Variants in KIFC3 observed in about 807,000 individuals in gnomAD.
KIFC3 encodes kinesin family member C3, also known as kinesin-like protein KIFC3.
Under a neutral mutation model 101.8 loss-of-function variants are expected in KIFC3, and 60 were observed. The ratio of observed to expected loss-of-function variants is 0.59; its 90% confidence interval spans 0.48 to 0.73. The LOEUF is 0.73. Ranked by LOEUF, KIFC3 falls within the 30% of genes least tolerant of loss-of-function variation. The pLI is 0.00. For synonymous variants in KIFC3, 476 were observed against 482.7 expected (o/e 0.99, Z 0.18); for missense variants, 966 against 1,137.1 (o/e 0.85, Z 2.16).
intron 3 of KIFC3, among the ~76,000 whole-genome samples, chr16:57,785,150 G>A (rs1029741987): frequency 6.6e-6 from 1 of 152,176 alleles, no homozygotes; most frequent in Non-Finnish European, 1.5e-5. Context: ...GCACCTTCCT[G>A]CTCCACTCAC....
Position 57,760,861 on chromosome 16 carries a change from CTTG to C in KIFC3, c.2094_2096del (p.Asn698del), listed in dbSNP as rs782211313. ...TGACGTCCCCCAGAGCCGACAGCGA[CTTG>C]TTGATGTGCTGCGCCTCCCGCAGGC... On this transcript the variant is annotated inframe_deletion, in exon 16 of 20. Transcript: ENST00000445690. The C allele has an allele frequency of 2.5e-6, 4 of 1,612,908 alleles. No individual in the cohort carries two copies. Among genetic ancestry groups the C allele is most frequent in the Non-Finnish European group, 3.4e-6 (4 of 1,179,960 alleles).
chr16:57,775,307 T>G, intron 3 of KIFC3: 1 of 1,210,706 alleles, frequency 8.3e-7, no homozygotes, highest in Non-Finnish European at 1.0e-6. Context: ...TCTGGCTTCT[T>G]GAGGGCAGCA....
intron 10 of KIFC3, among the ~76,000 whole-genome samples, chr16:57,766,096 T>A (rs2050449991): frequency 6.6e-6 from 1 of 152,194 alleles, no homozygotes; most frequent in African/African-American, 2.4e-5. Flanking sequence ...ACTGGTGGTG[T>A]ATCTGAGGGC....
chr16:57,788,303 C>T (rs1429251404), intron 3 of KIFC3, among the ~76,000 whole-genome samples: 1 of 152,212 alleles, frequency 6.6e-6, no homozygotes, highest in Admixed American at 6.5e-5. Context: ...AAATTCAACC[C>T]CAGCCCACGC....
intron 9 of KIFC3, among the ~76,000 whole-genome samples, chr16:57,768,533 A>ACACACACG (rs782552995): frequency 6.6e-6 from 1 of 151,582 alleles, no homozygotes. Flanking sequence ...ACACACACAC[A>ACACACACG]CACGCACAAT....
At chr16:57,848,360 G>A (rs1387452892) in intron 1 of KIFC3, among the ~76,000 whole-genome samples, 4 of 152,200 alleles carry the variant, frequency 2.6e-5, no homozygotes, top group East Asian at 3.9e-4. Flanking sequence ...TGGAGGCCCC[G>A]TGTGGTGGCT....
At chr16:57,823,723 G>T (rs971176984) in intron 1 of KIFC3, among the ~76,000 whole-genome samples, 2 of 151,076 alleles carry the variant, frequency 1.3e-5, no homozygotes, top group African/African-American at 4.9e-5. Context: ...CTCCTGAGTA[G>T]CTGGGGTTAC....
intron 1 of KIFC3, chr16:57,798,526 G>C (rs1453300871): frequency 3.5e-6 from 2 of 569,868 alleles, no homozygotes; most frequent in Non-Finnish European, 6.2e-6. Flanking sequence ...CATATCAGCT[G>C]TGCCTGAGAC....
chr16:57,790,552 G>A (rs1244598176), intron 3 of KIFC3, among the ~76,000 whole-genome samples: 2 of 152,162 alleles, frequency 1.3e-5, no homozygotes, highest in Admixed American at 1.3e-4. Context: ...AGGCCCGTGT[G>A]TGAAGCCTGG....
upstream of KIFC3, chr16:57,802,664 TC>T: frequency 1.0e-6 from 1 of 963,464 alleles, no homozygotes; most frequent in Non-Finnish European, 1.4e-6. The surrounding 1 kb of genome is among the most constrained non-coding windows in gnomAD (Gnocchi z 5.0). Flanking sequence ...CCACTCCCAC[TC>T]CCACTCCTTC....
chr16:57,762,206 T>C lies in KIFC3; in HGVS notation c.1682A>G (p.Glu561Gly). ...ALQLLFSEVQ[E>G]KASDWEYTIT... ...GGTGTACTCCCAGTCAGACGCCTTC[T>C]CCTGCACCTCGGAGAAGAGCAGCTG... The change falls in exon 13 of 20, where the codon GAG becomes GGG. Residue 561 changes from glutamate (E) to glycine (G), a missense_variant. Glu to Gly is a moderately conservative substitution (Grantham distance 98). Transcript: ENST00000445690. 6.2e-7 allele frequency: 1 copy of C among 1,610,554 alleles called. No individual in the cohort carries two copies. Among genetic ancestry groups the C allele is most frequent in the Admixed American group, 1.7e-5 (1 of 59,706 alleles).
intron 1 of KIFC3, among the ~76,000 whole-genome samples, chr16:57,812,138 G>T (rs1376699781): frequency 7.3e-5 from 11 of 150,920 alleles, no homozygotes; most frequent in African/African-American, 2.4e-4. Flanking sequence ...ATCCCCTAGG[G>T]TTCACGCCAT....
At position 57,758,564 on chromosome 16, in the gene KIFC3, T is replaced by G; in HGVS notation, c.*370A>C. On this transcript the variant is annotated 3_prime_UTR_variant, in exon 20 of 20. Coordinates refer to ENST00000445690, the MANE Select transcript of KIFC3 (RefSeq NM_001130100.2). The stretch of plus-strand genomic sequence containing the variant: ...CCCTAAGGAGGGGGCTGGCCAGCTC[T>G]GCAAGCTGAGGAGAGGGGCCGAGAA... The G allele has an allele frequency of 1.5e-6, 1 of 646,500 alleles. No individual in the cohort carries two copies. The highest frequency in any genetic ancestry group is 2.9e-6 in the Non-Finnish European group (1 of 349,756). 40.0% of individuals were successfully genotyped at this position (646,500 alleles called of 1,614,324 possible). A position where few individuals can be genotyped will look rare whatever the true frequency, so the allele number is the denominator to read the frequency against.
intron 1 of KIFC3, among the ~76,000 whole-genome samples, chr16:57,808,317 C>T (rs2054989428): frequency 6.6e-6 from 1 of 151,284 alleles, no homozygotes; most frequent in Non-Finnish European, 1.5e-5. Context: ...CCAAATAAGC[C>T]CCGCCCCCGG....
rs781944063 is a variant in KIFC3, at chr16:57,761,221, CAG to C, written c.1873-52_1873-51del. 26 of 1,605,470 alleles carry C rather than the reference CAG, an allele frequency of 1.6e-5. 1 individual carries two copies. The Middle Eastern group carries it at 7.1e-4, about 44-fold the overall frequency. ...GGCACAGCGTTGAGAATGGGGTCCT[CAG>C]AGTCACCTGGCCCCAAGCACCCATG... is the stretch of plus-strand genomic sequence containing the variant. On this transcript the variant is annotated intron_variant, in intron 14 of 19. Coordinates refer to ENST00000445690, the MANE Select transcript of KIFC3 (RefSeq NM_001130100.2).
chr16:57,782,740 T>TCGAG (rs1410240901), intron 3 of KIFC3, among the ~76,000 whole-genome samples: 2 of 152,028 alleles, frequency 1.3e-5, no homozygotes, highest in African/African-American at 4.8e-5. Context: ...GGTCAGGAGG[T>TCGAG]CGAGACCAGC....
intron 1 of KIFC3, among the ~76,000 whole-genome samples, chr16:57,839,541 A>G (rs1000823024): frequency 2.2e-4 from 33 of 152,168 alleles, no homozygotes; most frequent in African/African-American, 7.7e-4. Context: ...CCATGTCTCA[A>G]TAATGATAAT....
chr16:57,837,323 C>T (rs1379501475), intron 1 of KIFC3, among the ~76,000 whole-genome samples: 2 of 151,812 alleles, frequency 1.3e-5, no homozygotes, highest in Non-Finnish European at 2.9e-5. Flanking sequence ...CAGAAATTAG[C>T]CAGGCATGGT....
intron 7 of KIFC3, 114 bp from the exon 8 acceptor site, chr16:57,770,069 C>G (rs536958808): frequency 1.6e-6 from 2 of 1,224,920 alleles, no homozygotes; most frequent in Non-Finnish European, 2.3e-6. Flanking sequence ...CATGCACACA[C>G]ACATGTGCAC....
Sources: allele counts gnomAD v4.1 joint callset (sites outside exome capture counted in the v4.1 genomes callset), GRCh38; gene constraint gnomAD v4.1.1; non-coding constraint Gnocchi (gnomAD v3.1); transcripts MANE v1.5; gene names NCBI Gene and HGNC (gene_info 2026-07-23, HGNC 2026-07-21).